PTPRO: variants seen among roughly 807,000 people sequenced by gnomAD.
PTPRO encodes protein tyrosine phosphatase receptor type O.
A neutral mutation model predicts 145.2 loss-of-function variants in PTPRO; 62 were observed. The observed-to-expected ratio is 0.43, with a 90% confidence interval of 0.35 to 0.53. The LOEUF (loss-of-function observed/expected upper bound fraction) is 0.53, where lower values mean the gene tolerates loss of function less well. Among genes scored for constraint, PTPRO ranks in the 20% least tolerant of loss-of-function variants. The pLI is 0.01. For synonymous variants in PTPRO, 565 were observed against 514.7 expected (o/e 1.10, Z -1.32); for missense variants, 1,345 against 1,482.7 (o/e 0.91, Z 1.53).
chr12:15,356,058 T>C (rs1591734827), intron 1 of PTPRO, among the ~76,000 whole-genome samples: 1 of 152,242 alleles, frequency 6.6e-6, no homozygotes, highest in East Asian at 1.9e-4. Context: ...GCTCAGAGAC[T>C]CATTGAATTA....
chr12:15,336,046 G>T (rs150164895), intron 1 of PTPRO, among the ~76,000 whole-genome samples: 2 of 152,050 alleles, frequency 1.3e-5, no homozygotes, highest in Non-Finnish European at 2.9e-5. Context: ...CATCATGCAC[G>T]AGAATTCTGT....
At chr12:15,361,506 T>G (rs2136244606) in intron 1 of PTPRO, among the ~76,000 whole-genome samples, 1 of 147,392 alleles carries the variant, frequency 6.8e-6, no homozygotes, top group African/African-American at 2.5e-5. Flanking sequence ...ATCCAACACC[T>G]AGTGTATCAA....
intron 1 of PTPRO, among the ~76,000 whole-genome samples, chr12:15,408,674 C>T (rs1307181596): frequency 6.6e-6 from 1 of 152,104 alleles, no homozygotes; most frequent in Non-Finnish European, 1.5e-5. Flanking sequence ...GTGATCTGCC[C>T]GCCTTGCCCT....
At chr12:15,542,073 C>T (rs76088246) in intron 12 of PTPRO, among the ~76,000 whole-genome samples, 15 of 151,926 alleles carry the variant, frequency 9.9e-5, no homozygotes, top group Non-Finnish European at 1.6e-4. Context: ...TGAATTTAGG[C>T]GGAGGGGATA....
At chr12:15,501,538 T>C in intron 4 of PTPRO, 82 bp from the exon 5 acceptor site, 1 of 1,257,254 alleles carries the variant, frequency 8.0e-7, no homozygotes, top group South Asian at 1.3e-5. Context: ...AATCTGCTTG[T>C]GTACCTGACT....
At chr12:15,516,240 G>C (rs1315400429) in intron 8 of PTPRO, among the ~76,000 whole-genome samples, 1 of 149,040 alleles carries the variant, frequency 6.7e-6, no homozygotes, top group Non-Finnish European at 1.5e-5. Context: ...GCCCACCTTG[G>C]CTTCCCAAAG....
At position 15,426,971 on chromosome 12, in the gene PTPRO, T is replaced by C. The variant is rs528738084; in HGVS notation, c.76-57003T>C. ...GGGATATTTTAAAATAAAGTCCTTTTTCAGATCAGACCAATATTTTTCAAT... is the reference window on the plus strand; with the variant it reads ...GGGATATTTTAAAATAAAGTCCTTTCTCAGATCAGACCAATATTTTTCAAT... On this transcript the variant is annotated intron_variant, in intron 1 of 26. Transcript: ENST00000281171. Among the ~76,000 whole-genome samples, 89 of 152,194 alleles carry C rather than the reference T, an allele frequency of 5.8e-4. 1 individual carries two copies. In the South Asian group the frequency reaches 0.011, roughly 18 times the overall value.
intron 1 of PTPRO, among the ~76,000 whole-genome samples, chr12:15,477,945 A>C (rs940847675): frequency 6.6e-6 from 1 of 152,182 alleles, no homozygotes; most frequent in African/African-American, 2.4e-5. Context: ...CACCTGGCAC[A>C]TTGCCCAGGG....
chr12:15,488,317 A>G (rs555566589), intron 2 of PTPRO, among the ~76,000 whole-genome samples: 1 of 152,338 alleles, frequency 6.6e-6, no homozygotes, highest in African/African-American at 2.4e-5. Context: ...GGTTGGGAAT[A>G]TCAGAAGTGG....
intron 1 of PTPRO, among the ~76,000 whole-genome samples, chr12:15,440,703 TA>T (rs1940739441): frequency 2.6e-5 from 4 of 151,536 alleles, no homozygotes; most frequent in African/African-American, 9.7e-5. Context: ...CTTTAAATAA[TA>T]AACAAAAAAG....
At chr12:15,443,036 AC>A (rs1361729207) in intron 1 of PTPRO, among the ~76,000 whole-genome samples, 1 of 152,182 alleles carries the variant, frequency 6.6e-6, no homozygotes, top group Non-Finnish European at 1.5e-5. Flanking sequence ...AAAAGAAAGA[AC>A]AAAGCCAGAG....
At chr12:15,415,514 A>G (rs1161129604) in intron 1 of PTPRO, among the ~76,000 whole-genome samples, 1 of 151,802 alleles carries the variant, frequency 6.6e-6, no homozygotes, top group Non-Finnish European at 1.5e-5. Context: ...CCTCCCGAGT[A>G]GCTGGGACTA....
At chr12:15,479,795 G>A (rs1421134696) in intron 1 of PTPRO, among the ~76,000 whole-genome samples, 2 of 152,282 alleles carry the variant, frequency 1.3e-5, no homozygotes, top group South Asian at 4.1e-4. Flanking sequence ...CACATCTGGC[G>A]CTGGTCTCAC....
chr12:15,494,677 T>C (rs253863), intron 2 of PTPRO, among the ~76,000 whole-genome samples: 3,023 of 150,910 alleles, frequency 0.02, 113 homozygotes, highest in East Asian at 0.14. Context: ...TTTAAGTAGC[T>C]TGTTGCAGAA....
intron 1 of PTPRO, among the ~76,000 whole-genome samples, chr12:15,475,052 C>G (rs1326738216): frequency 6.6e-6 from 1 of 152,156 alleles, no homozygotes; most frequent in Non-Finnish European, 1.5e-5. Flanking sequence ...CCAAAGCTGT[C>G]GTTAGCATTT....
At chr12:15,534,771 G>T (rs1477643233) in intron 12 of PTPRO, among the ~76,000 whole-genome samples, 2 of 152,166 alleles carry the variant, frequency 1.3e-5, no homozygotes, top group Non-Finnish European at 2.9e-5. Context: ...AAAATAAACA[G>T]TCCGATTTAC....
At chr12:15,593,653 A>G (rs187356254) in intron 25 of PTPRO, among the ~76,000 whole-genome samples, 3 of 152,300 alleles carry the variant, frequency 2.0e-5, no homozygotes, top group Non-Finnish European at 2.9e-5. Context: ...AAGATACACT[A>G]TTGCATACTT....
At chr12:15,482,446 T>A (rs1288674972) in intron 1 of PTPRO, among the ~76,000 whole-genome samples, 2 of 152,102 alleles carry the variant, frequency 1.3e-5, no homozygotes, top group African/African-American at 4.8e-5. Flanking sequence ...AGGAATACGT[T>A]CTAATGCTCT....
chr12:15,385,348 A>G (rs546694374), intron 1 of PTPRO, among the ~76,000 whole-genome samples: 1 of 152,164 alleles, frequency 6.6e-6, no homozygotes, highest in Non-Finnish European at 1.5e-5. Context: ...CTTGAGGGCA[A>G]CTACGGATTC....
Sources: allele counts gnomAD v4.1 joint callset (sites outside exome capture counted in the v4.1 genomes callset), GRCh38; gene constraint gnomAD v4.1.1; transcripts MANE v1.5; gene names NCBI Gene and HGNC (gene_info 2026-07-23, HGNC 2026-07-21).